SLF2: variants seen among roughly 807,000 people sequenced by gnomAD.
The protein encoded by SLF2 is SMC5/6 complex localization factor 2.
Under a neutral mutation model 124.3 loss-of-function variants are expected in SLF2, and 68 were observed. The ratio of observed to expected loss-of-function variants is 0.55; its 90% confidence interval spans 0.45 to 0.67. SLF2 has a LOEUF of 0.67. Ranked by LOEUF, SLF2 falls within the 30% of genes least tolerant of loss-of-function variation. The probability of loss-of-function intolerance (pLI) is 0.00; values close to 1 mark genes in which losing one functional copy is unlikely to be tolerated. For synonymous variants in SLF2, 480 were observed against 478.8 expected (o/e 1.00, Z -0.03); for missense variants, 1,246 against 1,373.7 (o/e 0.91, Z 1.47).
chr10:100,955,867 C>T (rs1301477791), intron 17 of SLF2, among the ~76,000 whole-genome samples: 1 of 149,352 alleles, frequency 6.7e-6, no homozygotes, highest in Non-Finnish European at 1.5e-5. Context: ...GATCGCACCA[C>T]TGCACTTCAA....
Position 100,956,542 on chromosome 10 carries a change from G to A in SLF2, c.3417+5G>A, listed in dbSNP as rs745544553. Reference sequence around the variant, plus strand: ...AGACTTTTTTACAGAACTAAGGTAAGTGTGTTCTTTCTTTTTTTCTTTTTT... The same window carrying A: ...AGACTTTTTTACAGAACTAAGGTAAATGTGTTCTTTCTTTTTTTCTTTTTT... On this transcript the variant is annotated splice_donor_5th_base_variant and intron_variant, in intron 18 of 19. Transcript: ENST00000238961. 6.4e-7 allele frequency: 1 copy of A among 1,569,458 alleles called. No homozygotes were observed. The highest frequency in any genetic ancestry group is 2.0e-5 in the Admixed American group (1 of 49,652).
At chr10:100,938,860 T>C in intron 11 of SLF2, 124 bp downstream of exon 11, 1 of 850,968 alleles carries the variant, frequency 1.2e-6, no homozygotes, top group Non-Finnish European at 1.7e-6. Context: ...AGATCAATCT[T>C]GAATTAGATA....
chr10:100,924,747 T>A lies in SLF2; in HGVS notation c.1746T>A (p.Ser582Arg). The A allele has an allele frequency of 6.2e-7, 1 of 1,613,722 alleles. No individual in the cohort carries two copies. Residue 582 changes from serine (S) to arginine (R), a missense_variant, in exon 5 of 20, where the codon AGT (serine) becomes AGA (arginine). Coordinates refer to ENST00000238961, the MANE Select transcript of SLF2 (RefSeq NM_018121.4). ...ATAAAGCCCCTTCAGAAGGAGAGAG[T>A]TCAGGAAATTCCAATGCAGGTAGCA... ...PSDKAPSEGE[S>R]SGNSNAGSSA...
chr10:100,945,444 T>G lies in SLF2; in HGVS notation c.2872T>G (p.Leu958Val). 3.1e-6 allele frequency: 5 copies of G among 1,594,796 alleles called. No individual in the cohort carries two copies. The highest frequency in any genetic ancestry group is 3.4e-6 in the Non-Finnish European group (4 of 1,175,874). Residue 958 changes from leucine (L) to valine (V), a missense_variant, in exon 13 of 20, where the codon TTA becomes GTA. Around this residue, in one of 3 missense-constraint regions of SLF2, gnomAD observed 535 missense variants for 632.8 expected, o/e 0.85. Transcript: ENST00000238961. ...SLEKQLKQIP[L>V]VDFQSLLINL... Reference sequence around the variant, plus strand: ...GGAAAAACAGCTGAAACAGATTCCTTTAGTAGACTTTCAAAGCCTCCTGAT... The same window carrying G: ...GGAAAAACAGCTGAAACAGATTCCTGTAGTAGACTTTCAAAGCCTCCTGAT...
chr10:100,942,659 C>T (rs930056291), intron 11 of SLF2, among the ~76,000 whole-genome samples: 1 of 152,196 alleles, frequency 6.6e-6, no homozygotes, highest in East Asian at 1.9e-4. Context: ...GCTGGGATTA[C>T]AGGCACCCGC....
intron 9 of SLF2, among the ~76,000 whole-genome samples, chr10:100,934,767 C>T (rs1424149111): frequency 6.6e-6 from 1 of 151,408 alleles, no homozygotes; most frequent in Non-Finnish European, 1.5e-5. Context: ...CACCCACCAC[C>T]ACGCCCAGCT....
rs767435131 is a variant in SLF2, at chr10:100,924,603, T to C, written c.1602T>C (p.Asn534=). ...HKAKTNKADS[N]VSSGKISGGP... is the part of the protein sequence containing the mutation. The stretch of plus-strand genomic sequence containing the variant: ...CAAAGACTAATAAGGCCGATTCTAA[T>C]GTATCTTCAGGGAAAATTTCTGGGG... Residue 534 remains asparagine (N), a synonymous_variant, in exon 5 of 20, where the codon AAT becomes AAC. Coordinates refer to ENST00000238961, the MANE Select transcript of SLF2 (RefSeq NM_018121.4). The C allele has an allele frequency of 6.2e-7, 1 of 1,613,992 alleles. No homozygotes were observed. The highest frequency in any genetic ancestry group is 1.3e-5 in the African/African-American group (1 of 74,930).
At chr10:100,914,345 G>A (rs1849376326) in intron 1 of SLF2, among the ~76,000 whole-genome samples, 1 of 118,194 alleles carries the variant, frequency 8.5e-6, no homozygotes, top group African/African-American at 2.6e-5. Context: ...AATAAGCAGT[G>A]GACATTTTGT....
At chr10:100,933,829 C>A (rs566253629) in intron 9 of SLF2, among the ~76,000 whole-genome samples, 55 of 152,226 alleles carry the variant, frequency 3.6e-4, no homozygotes, top group African/African-American at 1.1e-3. Flanking sequence ...CAGGCCTGTG[C>A]CACCACACCT....
Position 100,917,234 on chromosome 10 carries a change from T to G in SLF2, c.849T>G (p.Tyr283Ter), listed in dbSNP as rs147824735. The G allele has an allele frequency of 6.2e-7, 1 of 1,614,024 alleles. No homozygotes were observed. Among genetic ancestry groups the G allele is most frequent in the South Asian group, 1.1e-5 (1 of 91,060 alleles). Reference sequence around the variant, plus strand: ...TAAAATCTAGTATAGAAAGAAAATATAAACCAAGGCAGGAACAAAGGAAAC... The same window carrying G: ...TAAAATCTAGTATAGAAAGAAAATAGAAACCAAGGCAGGAACAAAGGAAAC... Reference protein sequence around the residue: ...LSLKSSIERKYKPRQEQRKQN... With the variant: ...LSLKSSIERK The change falls in exon 3 of 20, where the codon TAT (tyrosine) becomes TAG (stop). Residue 283 changes from tyrosine to a stop codon, truncating the protein, a stop_gained. Coordinates refer to ENST00000238961, the MANE Select transcript of SLF2 (RefSeq NM_018121.4). LOFTEE classifies it high-confidence loss of function.
rs1197379441 is a variant in SLF2 at position 100,913,262 on chromosome 10, A to G, written c.140+12A>G. ...AGTCCTGGGGACAGGTACCGTGCAG[A>G]GGGCTTGAGAAGGGGCCGGGTCGCG... On this transcript the variant is annotated intron_variant, in intron 1 of 19. Coordinates refer to ENST00000238961, the MANE Select transcript of SLF2 (RefSeq NM_018121.4). 1.3e-6 allele frequency: 2 copies of G among 1,575,638 alleles called. No individual in the cohort carries two copies. Among genetic ancestry groups the G allele is most frequent in the Admixed American group, 1.8e-5 (1 of 55,584 alleles).
At chr10:100,951,445 C>G (rs908781535) in intron 17 of SLF2, among the ~76,000 whole-genome samples, 8 of 152,338 alleles carry the variant, frequency 5.3e-5, no homozygotes, top group Middle Eastern at 6.8e-3. Context: ...AGGAGAACTG[C>G]TACCATCTGT....
At chr10:100,923,304 G>A (rs894658286) in intron 4 of SLF2, among the ~76,000 whole-genome samples, 8 of 152,112 alleles carry the variant, frequency 5.3e-5, no homozygotes, top group African/African-American at 1.7e-4. Flanking sequence ...GCAACTCTAG[G>A]GGAGAATACT....
intron 19 of SLF2, 74 bp from the exon 20 acceptor site, chr10:100,961,800 TTAG>T: frequency 8.2e-7 from 1 of 1,212,652 alleles, no homozygotes. Flanking sequence ...TGTCTGATGA[TTAG>T]TAGTTTTATA....
At chr10:100,948,917 G>A (rs754546054) in intron 15 of SLF2, among the ~76,000 whole-genome samples, 11 of 152,140 alleles carry the variant, frequency 7.2e-5, no homozygotes, top group Non-Finnish European at 1.6e-4. Flanking sequence ...TGATCTGGAT[G>A]TCCCTTTGTT....
At chr10:100,925,612 A>G (rs1018442694) in intron 5 of SLF2, among the ~76,000 whole-genome samples, 4 of 152,236 alleles carry the variant, frequency 2.6e-5, no homozygotes, top group Admixed American at 6.5e-5. Flanking sequence ...TTAATATTCC[A>G]TGGTAACACC....
intron 1 of SLF2, 185 bp downstream of exon 1, chr10:100,913,435 T>A (rs1287239596): frequency 1.7e-5 from 22 of 1,331,664 alleles, no homozygotes; most frequent in African/African-American, 3.1e-5. Flanking sequence ...TTTGCTTCTC[T>A]GTAGTTGGGC....
In SLF2 at chr10:100,956,943, G is replaced by A. The variant is rs142837845; in HGVS notation, c.3417+406G>A. The stretch of plus-strand genomic sequence containing the variant: ...CTGTCTCGAAAACAAAAAGAAACAT[G>A]TAAGATTAGAAATAGGACTTTCTCT... On this transcript the variant is annotated intron_variant, in intron 18 of 19. Transcript: ENST00000238961. Among the ~76,000 whole-genome samples, 1,050 of 152,120 alleles carry A rather than the reference G, an allele frequency of 6.9e-3. 45 individuals are homozygous for A. Among genetic ancestry groups the A allele is most frequent in the Admixed American group, 0.06 (921 of 15,264 alleles).
intron 12 of SLF2, 76 bp from the exon 13 acceptor site, chr10:100,945,254 A>G (rs1850081242): frequency 8.2e-7 from 1 of 1,226,240 alleles, no homozygotes; most frequent in Admixed American, 3.0e-5. Flanking sequence ...TTTTGTCAAA[A>G]AGAGTTTATA....
Sources: allele counts gnomAD v4.1 joint callset (sites outside exome capture counted in the v4.1 genomes callset), GRCh38; gene constraint gnomAD v4.1.1; regional missense constraint gnomAD v4.1.1; transcripts MANE v1.5; gene names NCBI Gene and HGNC (gene_info 2026-07-23, HGNC 2026-07-21).